MTUS2: variants seen among roughly 807,000 people sequenced by gnomAD.
The protein encoded by MTUS2 is microtubule associated scaffold protein 2.
MTUS2 carries 40 observed loss-of-function variants against 114.1 expected under a neutral mutation model. The ratio of observed to expected loss-of-function variants is 0.35; its 90% CI spans 0.27 to 0.46. The LOEUF (loss-of-function observed/expected upper bound fraction) is 0.46, where lower values mean the gene tolerates loss of function less well. Among genes scored for constraint, MTUS2 ranks in the 20% least tolerant of loss-of-function variants. The pLI is 1.00. For missense variants in MTUS2, 1,679 were observed against 1,705.4 expected (o/e 0.98, Z 0.27); for synonymous variants, 688 against 672.0 (o/e 1.02, Z -0.37).
chr13:28,869,831 A>G (rs557774729), intron 2 of MTUS2, among the ~76,000 whole-genome samples: 4 of 152,258 alleles, frequency 2.6e-5, no homozygotes, highest in African/African-American at 9.6e-5. Flanking sequence ...GCAGACCCCT[A>G]TATTTTATGT....
intron 5 of MTUS2, among the ~76,000 whole-genome samples, chr13:29,261,653 A>G (rs981989300): frequency 3.3e-5 from 5 of 152,244 alleles, no homozygotes; most frequent in African/African-American, 9.6e-5. Flanking sequence ...CTATAATTTT[A>G]TACCATATTA....
At chr13:28,915,325 G>A (rs1386130515) in intron 2 of MTUS2, among the ~76,000 whole-genome samples, 1 of 151,848 alleles carries the variant, frequency 6.6e-6, no homozygotes, top group African/African-American at 2.4e-5. Flanking sequence ...AGTGGAATTG[G>A]TGGATTGTAT....
intron 5 of MTUS2, among the ~76,000 whole-genome samples, chr13:29,123,199 C>T (rs942059726): frequency 6.6e-6 from 1 of 151,582 alleles, no homozygotes; most frequent in South Asian, 2.1e-4. Context: ...AAATAGTATC[C>T]CTTTTGCTTC....
intron 5 of MTUS2, among the ~76,000 whole-genome samples, chr13:29,119,762 T>C (rs1039685848): frequency 2.6e-5 from 4 of 152,118 alleles, no homozygotes; most frequent in African/African-American, 7.2e-5. Context: ...CCCATCCACA[T>C]TGGGAGAGGC....
intron 5 of MTUS2, among the ~76,000 whole-genome samples, chr13:29,277,825 A>G (rs371313486): frequency 6.6e-6 from 1 of 152,204 alleles, no homozygotes; most frequent in African/African-American, 2.4e-5. Context: ...TAAGTTCTCA[A>G]GAGATCTAGA....
chr13:29,073,349 C>T (rs189508819), intron 4 of MTUS2, among the ~76,000 whole-genome samples: 121 of 152,280 alleles, frequency 7.9e-4, no homozygotes, highest in Non-Finnish European at 1.4e-3. Flanking sequence ...TACCTTCAAC[C>T]AATCTCTTCA....
chr13:29,004,791 G>T (rs1885534098), intron 2 of MTUS2, among the ~76,000 whole-genome samples: 1 of 152,182 alleles, frequency 6.6e-6, no homozygotes, highest in Non-Finnish European at 1.5e-5. Flanking sequence ...AGGATATGGA[G>T]GTAAACTGGG....
At chr13:29,339,886 C>T in intron 7 of MTUS2, 1 of 152,888 alleles carries the variant, frequency 6.5e-6, no homozygotes, top group Non-Finnish European at 1.5e-5. Flanking sequence ...GCACCCTGGC[C>T]CGGGGCGGCA....
chr13:29,390,108 T>C (rs1402155483), intron 8 of MTUS2, among the ~76,000 whole-genome samples: 1 of 109,644 alleles, frequency 9.1e-6, no homozygotes, highest in South Asian at 3.2e-4. Flanking sequence ...CACATATATA[T>C]ACACATACAC....
rs555317789 is a variant in MTUS2 at position 29,446,339 on chromosome 13, C to T, written c.3184+6290C>T. On this transcript the variant is annotated intron_variant, in intron 9 of 15. Coordinates refer to ENST00000612955, the MANE Select transcript of MTUS2 (RefSeq NM_001033602.4). ...TGGTCCAGACCAGAGTGACAGTACC[C>T]TATCCATTTCATTTTAGGGATCAGT... is the stretch of plus-strand genomic sequence containing the variant. 4.6e-5 allele frequency among the ~76,000 whole-genome samples: 7 copies of T among 152,298 alleles called. No homozygotes were observed. The South Asian group carries it at 1.5e-3, about 32-fold the overall frequency.
intron 7 of MTUS2, among the ~76,000 whole-genome samples, chr13:29,334,910 G>C (rs951605764): frequency 5.3e-5 from 8 of 152,144 alleles, no homozygotes; most frequent in African/African-American, 1.7e-4. Context: ...TGTCATCTTC[G>C]TAAGCTCAGG....
chr13:29,248,775 G>A (rs1897017883), intron 5 of MTUS2, among the ~76,000 whole-genome samples: 1 of 152,134 alleles, frequency 6.6e-6, no homozygotes, highest in African/African-American at 2.4e-5. Flanking sequence ...ATGGCTTCCA[G>A]CTTCATCCAT....
intron 5 of MTUS2, among the ~76,000 whole-genome samples, chr13:29,122,002 A>G (rs1891331544): frequency 6.6e-6 from 1 of 152,150 alleles, no homozygotes; most frequent in Non-Finnish European, 1.5e-5. Flanking sequence ...CTGTATTGTC[A>G]GAATAAAAAC....
chr13:29,132,028 C>A (rs1212640700), intron 5 of MTUS2, among the ~76,000 whole-genome samples: 1 of 152,194 alleles, frequency 6.6e-6, no homozygotes, highest in Non-Finnish European at 1.5e-5. Context: ...TAAATGACCT[C>A]CCAAGATGAC....
rs368132826 is a variant in MTUS2, at chr13:28,871,127, A to C, written c.-243+31277A>C. The stretch of plus-strand genomic sequence containing the variant: ...TATCTTGTGTAATCCTTATAGCTTC[A>C]TGCCAGATAAGTTAAATAAAATTAA... On this transcript the variant is annotated intron_variant, in intron 2 of 15. Transcript: ENST00000612955. Among the ~76,000 whole-genome samples the C allele has an allele frequency of 3.9e-5, 6 of 152,230 alleles. No individual in the cohort carries two copies. The East Asian group carries it at 5.8e-4, about 15-fold the overall frequency.
At chr13:29,420,233 A>AACTT (rs1164373396) in intron 8 of MTUS2, among the ~76,000 whole-genome samples, 10 of 149,574 alleles carry the variant, frequency 6.7e-5, no homozygotes, top group African/African-American at 2.0e-4. Flanking sequence ...TTCCTTCCTT[A>AACTT]ACTTACTTTC....
intron 4 of MTUS2, among the ~76,000 whole-genome samples, chr13:29,045,319 A>T (rs1887564152): frequency 6.6e-6 from 1 of 152,064 alleles, no homozygotes; most frequent in Non-Finnish European, 1.5e-5. Context: ...TTGCAGATGG[A>T]TGCATTTTTG....
intron 6 of MTUS2, among the ~76,000 whole-genome samples, chr13:29,302,358 A>G (rs1899242897): frequency 6.6e-6 from 1 of 152,184 alleles, no homozygotes; most frequent in Non-Finnish European, 1.5e-5. Flanking sequence ...CCCAAAGATC[A>G]GGAGATCCCC....
intron 4 of MTUS2, among the ~76,000 whole-genome samples, chr13:29,053,895 G>C (rs1888013527): frequency 6.6e-6 from 1 of 152,168 alleles, no homozygotes; most frequent in South Asian, 2.1e-4. Context: ...GTCTTTCTGA[G>C]GGCATATGGT....
Sources: gnomAD v4.1 joint callset for allele counts (sites outside exome capture counted in the v4.1 genomes callset) on GRCh38, gnomAD v4.1.1 for gene constraint, MANE v1.5 for transcripts, NCBI Gene and HGNC (gene_info 2026-07-23, HGNC 2026-07-21) for gene names.